HFM1: variants seen among roughly 807,000 people sequenced by gnomAD.
The protein encoded by HFM1 is probable ATP-dependent DNA helicase HFM1.
HFM1 carries 169 observed loss-of-function variants against 192.1 expected under a neutral mutation model. That is an observed-to-expected ratio of 0.88 (90% CI 0.78 to 1.00). The LOEUF (loss-of-function observed/expected upper bound fraction) is 1.00, where lower values mean the gene tolerates loss of function less well. Among genes scored for constraint, HFM1 ranks in the 50% least tolerant of loss-of-function variants. HFM1 has a pLI of 0.00. For synonymous variants in HFM1, 525 were observed against 537.8 expected (o/e 0.98, Z 0.33); for missense variants, 1,661 against 1,668.0 (o/e 1.00, Z 0.07).
intron 30 of HFM1, among the ~76,000 whole-genome samples, chr1:91,285,132 C>A (rs537029110): frequency 6.6e-6 from 1 of 152,276 alleles, no homozygotes; most frequent in East Asian, 1.9e-4. Flanking sequence ...GATTGTGAGG[C>A]CTCCCCAGCC....
At chr1:91,364,630 A>ATTTTT (rs369717640) in intron 13 of HFM1, among the ~76,000 whole-genome samples, 88 of 74,122 alleles carry the variant, frequency 1.2e-3, no homozygotes, top group East Asian at 2.5e-3. Flanking sequence ...ATATATATAT[A>ATTTTT]TATTTTTTTT....
chr1:91,312,915 T>C (rs574037826), intron 30 of HFM1, among the ~76,000 whole-genome samples: 111 of 152,218 alleles, frequency 7.3e-4, no homozygotes, highest in African/African-American at 2.6e-3. Flanking sequence ...AGTGAGTAAG[T>C]CTCATGAGAT....
At chr1:91,352,365 T>C (rs1404718690) in intron 16 of HFM1, 141 bp downstream of exon 16, 4 of 555,936 alleles carry the variant, frequency 7.2e-6, no homozygotes, top group Non-Finnish European at 6.1e-6. Context: ...TGTCTTACTT[T>C]TATTCCTCCA....
At chr1:91,313,239 T>A in intron 30 of HFM1, 110 bp downstream of exon 30, 1 of 571,980 alleles carries the variant, frequency 1.7e-6, no homozygotes, top group Non-Finnish European at 3.0e-6. Context: ...AGCTTAAATA[T>A]CTTATTCCAG....
intron 1 of HFM1, 101 bp from the exon 2 acceptor site, chr1:91,401,210 CCA>C (rs1189255136): frequency 6.7e-6 from 4 of 595,892 alleles, no homozygotes; most frequent in African/African-American, 2.0e-5. Flanking sequence ...TAAAATATAA[CCA>C]CAGACTATCC....
At chr1:91,303,743 G>A (rs994454691) in intron 30 of HFM1, among the ~76,000 whole-genome samples, 7 of 152,222 alleles carry the variant, frequency 4.6e-5, no homozygotes, top group African/African-American at 1.7e-4. Context: ...GTTTTGGTTT[G>A]CATTTCTGCA....
At chr1:91,374,388 T>G (rs923520547) in intron 13 of HFM1, among the ~76,000 whole-genome samples, 2 of 152,048 alleles carry the variant, frequency 1.3e-5, no homozygotes, top group African/African-American at 4.8e-5. Context: ...CTATGCTATG[T>G]AGAGAATAAA....
upstream of HFM1, among the ~76,000 whole-genome samples, chr1:91,406,532 A>G (rs949340231): frequency 2.0e-5 from 3 of 152,262 alleles, no homozygotes; most frequent in Admixed American, 2.0e-4. Context: ...GCCTCAGGAC[A>G]GTGATAAAGT....
intron 20 of HFM1, among the ~76,000 whole-genome samples, chr1:91,334,056 G>A (rs1238148770): frequency 6.6e-6 from 1 of 152,166 alleles, no homozygotes; most frequent in Non-Finnish European, 1.5e-5. Flanking sequence ...TAGTAGAGAG[G>A]AAATAATGCC....
At chr1:91,307,948 G>A (rs1649885430) in intron 30 of HFM1, among the ~76,000 whole-genome samples, 1 of 151,948 alleles carries the variant, frequency 6.6e-6, no homozygotes, top group Non-Finnish European at 1.5e-5. Context: ...ATTGTCTTCT[G>A]TTTTCCATCA....
chr1:91,372,943 T>A (rs1660429570), intron 13 of HFM1, among the ~76,000 whole-genome samples: 1 of 152,166 alleles, frequency 6.6e-6, no homozygotes, highest in South Asian at 2.1e-4. Flanking sequence ...TTGCTTAATC[T>A]TGCTTTGTTG....
chr1:91,283,083 T>C (rs1667610604), intron 30 of HFM1, among the ~76,000 whole-genome samples: 2 of 152,194 alleles, frequency 1.3e-5, no homozygotes, highest in South Asian at 4.1e-4. Flanking sequence ...CGAAATCTTT[T>C]TGCTGTATTT....
rs41286783 is a variant in HFM1, at chr1:91,319,217, A to G, written c.2681-8T>C. ...CTACAAAATCTGACAACCCTAAAAA[A>G]AAAGTTTCCAGTATTAAATCTAATA... is the stretch of plus-strand genomic sequence containing the variant. On this transcript the variant is annotated splice_region_variant and splice_polypyrimidine_tract_variant and intron_variant, in intron 24 of 38. Coordinates refer to ENST00000370425, the MANE Select transcript of HFM1 (RefSeq NM_001017975.6). The G allele has an allele frequency of 0.025, 40,548 of 1,603,764 alleles. 597 individuals are homozygous for G. The highest frequency in any genetic ancestry group is 0.03 in the Non-Finnish European group (35,715 of 1,176,828).
chr1:91,290,058 A>G (rs1367842431), intron 30 of HFM1, among the ~76,000 whole-genome samples: 2 of 152,104 alleles, frequency 1.3e-5, no homozygotes, highest in Non-Finnish European at 2.9e-5. Context: ...AGTGCTAAAC[A>G]TGGAAAGGAA....
chr1:91,287,417 T>G (rs80341683), intron 30 of HFM1, among the ~76,000 whole-genome samples: 36,768 of 151,224 alleles, frequency 0.24, 4,869 homozygotes, highest in East Asian at 0.52. Flanking sequence ...ACCTCACACG[T>G]CCGGGTACTC....
chr1:91,270,574 T>C (rs374978856), intron 34 of HFM1, among the ~76,000 whole-genome samples: 9 of 102,974 alleles, frequency 8.7e-5, no homozygotes, highest in Admixed American at 8.7e-4. Flanking sequence ...GTGAGAAGAA[T>C]AAAAAAAAAA....
Position 91,394,265 on chromosome 1 carries a change from C to T in HFM1, c.322G>A (p.Gly108Arg). 1 of 1,598,318 alleles carries T rather than the reference C, an allele frequency of 6.3e-7. No homozygotes were observed. Among genetic ancestry groups the T allele is most frequent in the Non-Finnish European group, 8.6e-7 (1 of 1,165,620 alleles). The part of the protein sequence containing the change: ...KYEQDDLNLE[G>R]VGNNDLSHIA... ...TGTGATAAGTCATTATTACCTACCC[C>T]TTCTAAATTTAGATCATCCTGTTCA... The change falls in exon 4 of 39, where the codon GGG (glycine) becomes AGG (arginine). Residue 108 changes from glycine (G) to arginine (R), a missense_variant. Coordinates refer to ENST00000370425, the MANE Select transcript of HFM1 (RefSeq NM_001017975.6).
chr1:91,320,227 A>G (rs1651885883), intron 23 of HFM1, among the ~76,000 whole-genome samples: 1 of 152,226 alleles, frequency 6.6e-6, no homozygotes, highest in South Asian at 2.1e-4. Context: ...ACAAAGAAAA[A>G]CGGCAGAATA....
At position 91,375,441 on chromosome 1, in the gene HFM1, A is replaced by G. The variant is rs988393524; in HGVS notation, c.1602T>C (p.Cys534=). The change falls in exon 13 of 39, where the codon TGT becomes TGC. Residue 534 remains cysteine (C), a synonymous_variant. Transcript: ENST00000370425. ...YSDQKPTLVF[C]ATRKGVQQAA... ...CCTGTTGCACACCCTTCCTTGTTGC[A>G]CAAAACTGAAAATAAATTCATAACG... 2.5e-6 allele frequency: 4 copies of G among 1,612,998 alleles called. No homozygotes were observed. Among genetic ancestry groups the G allele is most frequent in the East Asian group, 4.5e-5 (2 of 44,850 alleles).
Sources: gnomAD v4.1 joint callset for allele counts (sites outside exome capture counted in the v4.1 genomes callset) on GRCh38, gnomAD v4.1.1 for gene constraint, MANE v1.5 for transcripts, NCBI Gene and HGNC (gene_info 2026-07-23, HGNC 2026-07-21) for gene names.